The following ULK4 variants were observed in gnomAD, a reference collection of about 807,000 sequenced individuals.
ULK4 encodes inactive serine/threonine-protein kinase ULK4.
In ULK4, 133 loss-of-function variants were observed where a neutral mutation model predicts 160.6. The observed-to-expected ratio is 0.83, with a 90% CI of 0.72 to 0.96. The LOEUF is 0.96. ULK4 is among the 40% of genes least tolerant of loss of function. The pLI, the probability that ULK4 is intolerant of heterozygous loss-of-function variation, is 0.00. For synonymous variants in ULK4, 534 were observed against 539.8 expected (o/e 0.99, Z 0.15); for missense variants, 1,580 against 1,499.5 (o/e 1.05, Z -0.89).
intron 11 of ULK4, 31 bp from the exon 12 acceptor site, chr3:41,907,972 A>C (rs757464110): frequency 4.7e-6 from 7 of 1,490,740 alleles, no homozygotes; most frequent in Non-Finnish European, 3.6e-6. Flanking sequence ...AACATTATTC[A>C]ATTCCAGACA....
intron 35 of ULK4, among the ~76,000 whole-genome samples, chr3:41,328,233 G>A (rs1308715707): frequency 1.3e-5 from 2 of 152,194 alleles, no homozygotes; most frequent in Non-Finnish European, 2.9e-5. Flanking sequence ...TGGGCACTTT[G>A]AGTCCACAGA....
At chr3:41,769,944 T>C (rs2039298023) in intron 21 of ULK4, among the ~76,000 whole-genome samples, 1 of 152,178 alleles carries the variant, frequency 6.6e-6, no homozygotes, top group African/African-American at 2.4e-5. Context: ...AGAAATCATG[T>C]AGATAACCAC....
intron 35 of ULK4, among the ~76,000 whole-genome samples, chr3:41,351,044 C>T (rs1400256776): frequency 6.6e-6 from 1 of 152,206 alleles, no homozygotes; most frequent in Non-Finnish European, 1.5e-5. Flanking sequence ...ATAAACTTCT[C>T]CCTGGCAGAC....
intron 25 of ULK4, among the ~76,000 whole-genome samples, chr3:41,713,483 A>C (rs1440229019): frequency 6.6e-6 from 1 of 152,212 alleles, no homozygotes; most frequent in Non-Finnish European, 1.5e-5. Flanking sequence ...CCAACAAACA[A>C]ACACAATAAG....
intron 31 of ULK4, among the ~76,000 whole-genome samples, chr3:41,604,472 A>G (rs2032271551): frequency 6.6e-6 from 1 of 152,176 alleles, no homozygotes; most frequent in African/African-American, 2.4e-5. Flanking sequence ...TATAGAGCAC[A>G]TGTGTGTTAA....
In ULK4 at chr3:41,908,755, C is replaced by A. The variant is rs62259369; in HGVS notation, c.1086-814G>T. 3.3e-5 allele frequency among the ~76,000 whole-genome samples: 5 copies of A among 152,128 alleles called. No individual in the cohort carries two copies. The South Asian group carries it at 1.0e-3, about 32-fold the overall frequency. On this transcript the variant is annotated intron_variant, in intron 11 of 36. Transcript: ENST00000301831. ...CACTGTGCCCGGCCTGAGCTTTTCA[C>A]ATTTTAAGAAATCCTTCCCATCAGA... is the stretch of plus-strand genomic sequence containing the variant.
chr3:41,914,978 C>G (rs1277319155), intron 8 of ULK4: 1 of 152,232 alleles, frequency 6.6e-6, no homozygotes, highest in Non-Finnish European at 1.5e-5. Context: ...CACTGCACTC[C>G]AGCCTGGGTG....
At chr3:41,492,977 T>C (rs1244162793) in intron 32 of ULK4, among the ~76,000 whole-genome samples, 2 of 141,282 alleles carry the variant, frequency 1.4e-5, no homozygotes, top group Non-Finnish European at 3.1e-5. Flanking sequence ...ACAATAATAA[T>C]GGGAGACTTT....
intron 32 of ULK4, among the ~76,000 whole-genome samples, chr3:41,562,121 G>C (rs4973969): frequency 0.62 from 94,401 of 151,956 alleles, 30,318 homozygotes; most frequent in Admixed American, 0.73. Flanking sequence ...CTTATTTACC[G>C]AGTAGTCACT....
At chr3:41,734,462 C>T (rs184085854) in intron 22 of ULK4, among the ~76,000 whole-genome samples, 3 of 152,076 alleles carry the variant, frequency 2.0e-5, no homozygotes, top group Non-Finnish European at 4.4e-5. Flanking sequence ...CAATTGAATA[C>T]GTTAAGATAA....
chr3:41,831,531 A>ATATAGAGAGAGATATAT, intron 18 of ULK4, among the ~76,000 whole-genome samples: 3 of 138,066 alleles, frequency 2.2e-5, no homozygotes, highest in Admixed American at 7.2e-5. Context: ...ATATATATAT[A>ATATAGAGAGAGATATAT]TTTTTTTTTC....
rs117407199 is a variant in ULK4, at chr3:41,873,558, T to C, written c.1656+10316A>G. ...AGGTTTGTTTGTTTTGTGTTTGTTT[T>C]GTTTTTTGTTTTCGAGATGGAGTCT... On this transcript the variant is annotated intron_variant, in intron 17 of 36. Transcript: ENST00000301831. Among the ~76,000 whole-genome samples the C allele has an allele frequency of 3.3e-4, 50 of 152,304 alleles. No individual in the cohort carries two copies. In the East Asian group the frequency reaches 9.3e-3, roughly 28 times the overall value.
chr3:41,750,727 G>A (rs144079258), intron 22 of ULK4, among the ~76,000 whole-genome samples: 1 of 152,140 alleles, frequency 6.6e-6, no homozygotes, highest in African/African-American at 2.4e-5. Flanking sequence ...CGGGTGTGGT[G>A]GCTCACATCT....
At chr3:41,942,545 C>T (rs1575992885) in intron 2 of ULK4, among the ~76,000 whole-genome samples, 1 of 151,948 alleles carries the variant, frequency 6.6e-6, no homozygotes, top group Non-Finnish European at 1.5e-5. Flanking sequence ...AGGCCGGGCG[C>T]GGTGGCTCAC....
chr3:41,302,267 C>T (rs2079816090), intron 35 of ULK4, among the ~76,000 whole-genome samples: 1 of 152,164 alleles, frequency 6.6e-6, no homozygotes, highest in African/African-American at 2.4e-5. Context: ...TTGAAATGTG[C>T]TTAACTTTTC....
At chr3:41,269,544 A>G (rs773294841) in intron 35 of ULK4, among the ~76,000 whole-genome samples, 10 of 152,208 alleles carry the variant, frequency 6.6e-5, no homozygotes, top group Non-Finnish European at 8.8e-5. Context: ...GCCATGAGTC[A>G]GATGCTACTA....
intron 2 of ULK4, among the ~76,000 whole-genome samples, chr3:41,948,701 T>C (rs7651690): frequency 0.014 from 1,983 of 141,648 alleles, 43 homozygotes; most frequent in African/African-American, 0.048. Flanking sequence ...GAAAATGCAC[T>C]TGGCAAAATT....
chr3:41,310,261 T>C (rs1239549804), intron 35 of ULK4, among the ~76,000 whole-genome samples: 1 of 152,232 alleles, frequency 6.6e-6, no homozygotes, highest in Non-Finnish European at 1.5e-5. Context: ...ACAACAGTCC[T>C]TAGACTGGTG....
At chr3:41,389,585 T>C (rs1490475774) in intron 35 of ULK4, among the ~76,000 whole-genome samples, 1 of 152,106 alleles carries the variant, frequency 6.6e-6, no homozygotes, top group African/African-American at 2.4e-5. Context: ...GCATGAAGGG[T>C]TGTTGAATTT....
Sources: allele counts gnomAD v4.1 joint callset (sites outside exome capture counted in the v4.1 genomes callset), GRCh38; gene constraint gnomAD v4.1.1; transcripts MANE v1.5; gene names NCBI Gene and HGNC (gene_info 2026-07-23, HGNC 2026-07-21).